DLG2: variants seen among roughly 807,000 people sequenced by gnomAD.
DLG2 encodes discs large MAGUK scaffold protein 2, also known as disks large homolog 2.
In DLG2, 45 loss-of-function variants were observed where a neutral mutation model predicts 132.5. The observed-to-expected ratio is 0.34, with a 90% CI of 0.27 to 0.44. The LOEUF (loss-of-function observed/expected upper bound fraction) is 0.44, where lower values mean the gene tolerates loss of function less well. Among genes scored for constraint, DLG2 ranks in the 20% least tolerant of loss-of-function variants. DLG2 has a pLI of 1.00. For missense variants in DLG2, 1,045 were observed against 1,196.9 expected (o/e 0.87, Z 1.87); for synonymous variants, 424 against 419.6 (o/e 1.01, Z -0.13).
intron 9 of DLG2, among the ~76,000 whole-genome samples, chr11:84,157,943 T>G (rs1051957782): frequency 6.6e-6 from 1 of 152,178 alleles, no homozygotes; most frequent in East Asian, 1.9e-4. Flanking sequence ...TCTTTTAATG[T>G]CACCATGATA....
In DLG2 at chr11:84,139,019, A is replaced by G. The variant is rs1210777268; in HGVS notation, c.624+24442T>C. On this transcript the variant is annotated intron_variant, in intron 9 of 27. Transcript: ENST00000376104. The stretch of plus-strand genomic sequence containing the variant: ...GAAAAGGCTGGGTTTTCATTTTACC[A>G]CAGCAAAGTGAATAAGAAAGATTAT... Among the ~76,000 whole-genome samples, 4 of 151,998 alleles carry G rather than the reference A, an allele frequency of 2.6e-5. No individual in the cohort carries two copies. In the East Asian group the frequency reaches 7.7e-4, roughly 29 times the overall value.
At chr11:84,406,325 G>A (rs968631656) in intron 7 of DLG2, among the ~76,000 whole-genome samples, 1 of 151,882 alleles carries the variant, frequency 6.6e-6, no homozygotes, top group Non-Finnish European at 1.5e-5. Context: ...TTGTTTGTTT[G>A]TTCATTTGTT....
At chr11:84,582,379 T>C (rs1048686475) in intron 6 of DLG2, among the ~76,000 whole-genome samples, 3 of 149,576 alleles carry the variant, frequency 2.0e-5, no homozygotes, top group African/African-American at 7.3e-5. Flanking sequence ...ATTAGGACTA[T>C]ATATATATTT....
intron 7 of DLG2, among the ~76,000 whole-genome samples, chr11:84,325,387 GT>G (rs1234779022): frequency 6.6e-6 from 1 of 151,812 alleles, no homozygotes; most frequent in Non-Finnish European, 1.5e-5. Context: ...ATAGGCCCTG[GT>G]ATGTGATGTT....
intron 19 of DLG2, among the ~76,000 whole-genome samples, chr11:83,590,231 T>G (rs1227595158): frequency 8.6e-5 from 13 of 151,260 alleles, no homozygotes; most frequent in African/African-American, 3.2e-4. Context: ...ATTGACCACA[T>G]AGTTGGAAGT....
At chr11:85,456,754 A>G (rs765951242) in intron 3 of DLG2, among the ~76,000 whole-genome samples, 12 of 152,018 alleles carry the variant, frequency 7.9e-5, no homozygotes, top group Non-Finnish European at 1.3e-4. Context: ...AGGTTGTTTC[A>G]TTTCCATGTA....
At chr11:83,619,426 C>A (rs1008467903) in intron 19 of DLG2, among the ~76,000 whole-genome samples, 19 of 152,070 alleles carry the variant, frequency 1.2e-4, no homozygotes, top group African/African-American at 4.1e-4. Context: ...GGTTAAGAGC[C>A]GGTATTTGGC....
At chr11:85,356,957 G>A (rs1363923503) in intron 3 of DLG2, among the ~76,000 whole-genome samples, 2 of 152,080 alleles carry the variant, frequency 1.3e-5, no homozygotes, top group Non-Finnish European at 2.9e-5. Flanking sequence ...ATTTTACTGG[G>A]AAGCTTCTGG....
chr11:83,703,169 T>C (rs1192407835), intron 18 of DLG2, among the ~76,000 whole-genome samples: 2 of 152,120 alleles, frequency 1.3e-5, no homozygotes, highest in Non-Finnish European at 2.9e-5. Flanking sequence ...ATGTTTATAA[T>C]AAAGGTCACC....
intron 6 of DLG2, among the ~76,000 whole-genome samples, chr11:84,992,421 TAAG>T (rs1400454714): frequency 6.6e-6 from 1 of 152,180 alleles, no homozygotes; most frequent in Non-Finnish European, 1.5e-5. Context: ...ATCAGTAAAA[TAAG>T]AAGTTGTTAT....
chr11:84,983,806 T>C (rs1263090569), intron 6 of DLG2, among the ~76,000 whole-genome samples: 1 of 152,000 alleles, frequency 6.6e-6, no homozygotes, highest in Non-Finnish European at 1.5e-5. Flanking sequence ...GAAAAAACAG[T>C]CAAAACTTCA....
intron 3 of DLG2, among the ~76,000 whole-genome samples, chr11:85,391,076 T>C (rs1408614669): frequency 6.6e-6 from 1 of 151,948 alleles, no homozygotes; most frequent in Non-Finnish European, 1.5e-5. Context: ...AAGATCCAAA[T>C]AAGCTCAATT....
intron 6 of DLG2, among the ~76,000 whole-genome samples, chr11:84,856,544 T>C (rs1192853424): frequency 2.0e-5 from 3 of 152,240 alleles, no homozygotes; most frequent in Non-Finnish European, 2.9e-5. Context: ...ACCTTGAATA[T>C]ATTCACTTAT....
At chr11:84,354,135 T>C (rs1184421549) in intron 7 of DLG2, among the ~76,000 whole-genome samples, 2 of 152,188 alleles carry the variant, frequency 1.3e-5, no homozygotes, top group Non-Finnish European at 2.9e-5. Context: ...AATTCCACAA[T>C]ACAGTATTTT....
chr11:84,751,401 T>C (rs990747459), intron 6 of DLG2, among the ~76,000 whole-genome samples: 1 of 152,080 alleles, frequency 6.6e-6, no homozygotes, highest in Non-Finnish European at 1.5e-5. Flanking sequence ...GTGACAGTGA[T>C]TGGTATTATT....
intron 6 of DLG2, among the ~76,000 whole-genome samples, chr11:84,914,205 A>G (rs2092309540): frequency 6.6e-6 from 1 of 152,220 alleles, no homozygotes; most frequent in South Asian, 2.1e-4. Flanking sequence ...GCTTCTTTCA[A>G]ATTCTGCCTA....
At chr11:85,563,608 T>C (rs1326406551) in intron 3 of DLG2, among the ~76,000 whole-genome samples, 1 of 151,710 alleles carries the variant, frequency 6.6e-6, no homozygotes, top group Non-Finnish European at 1.5e-5. Flanking sequence ...CATAGTGTTT[T>C]TGAGATTGAT....
intron 3 of DLG2, among the ~76,000 whole-genome samples, chr11:85,494,262 T>C (rs772760785): frequency 2.0e-5 from 3 of 152,210 alleles, no homozygotes; most frequent in South Asian, 2.1e-4. Context: ...ATTTCCTTTA[T>C]AACATGTATT....
chr11:84,679,398 T>G (rs547010270), intron 6 of DLG2, among the ~76,000 whole-genome samples: 1 of 152,144 alleles, frequency 6.6e-6, no homozygotes, highest in African/African-American at 2.4e-5. Flanking sequence ...GTTTGGACAG[T>G]TGCTTTTTCT....
Sources: gnomAD v4.1 joint callset for allele counts (sites outside exome capture counted in the v4.1 genomes callset) on GRCh38, gnomAD v4.1.1 for gene constraint, MANE v1.5 for transcripts, NCBI Gene and HGNC (gene_info 2026-07-23, HGNC 2026-07-21) for gene names.